The following LRRC4C variants were observed in gnomAD, a reference collection of about 807,000 sequenced individuals.
The protein encoded by LRRC4C is leucine-rich repeat-containing protein 4C.
LRRC4C carries 5 observed loss-of-function variants against 33.6 expected under a neutral mutation model. The ratio of observed to expected loss-of-function variants is 0.15; its 90% CI spans 0.08 to 0.31. The LOEUF (loss-of-function observed/expected upper bound fraction) is 0.31, where lower values mean the gene tolerates loss of function less well. Among genes scored for constraint, LRRC4C ranks in the 10% least tolerant of loss-of-function variants. The pLI is 1.00. For synonymous variants in LRRC4C, 329 were observed against 302.0 expected, an observed-to-expected ratio of 1.09 and a Z score of -0.93; for missense variants, 560 against 796.7, an observed-to-expected ratio of 0.70 and a Z score of 3.58.
intron 3 of LRRC4C, among the ~76,000 whole-genome samples, chr11:40,609,074 G>A (rs1565555714): frequency 6.6e-6 from 1 of 152,006 alleles, no homozygotes; most frequent in South Asian, 2.1e-4. Context: ...AATGGAACTA[G>A]TAGACATATA....
chr11:40,467,758 C>T (rs1379122884), intron 3 of LRRC4C, among the ~76,000 whole-genome samples: 1 of 152,118 alleles, frequency 6.6e-6, no homozygotes, highest in African/African-American at 2.4e-5. Context: ...GCAAGAATAC[C>T]ATCTCTTGGA....
chr11:40,792,110 C>T (rs931764045), intron 2 of LRRC4C, among the ~76,000 whole-genome samples: 15 of 152,050 alleles, frequency 9.9e-5, no homozygotes, highest in African/African-American at 3.6e-4. Flanking sequence ...CAAATTTTTA[C>T]TTCTCCAACA....
At chr11:41,273,294 T>A (rs1385848346) in intron 1 of LRRC4C, among the ~76,000 whole-genome samples, 1 of 152,116 alleles carries the variant, frequency 6.6e-6, no homozygotes, top group Non-Finnish European at 1.5e-5. Flanking sequence ...CCAAGAGAAT[T>A]GAAATCAGGA....
At chr11:41,221,435 T>C (rs2136387743) in intron 1 of LRRC4C, among the ~76,000 whole-genome samples, 1 of 151,930 alleles carries the variant, frequency 6.6e-6, no homozygotes, top group Admixed American at 6.6e-5. Flanking sequence ...AAAAAGAAAA[T>C]CTTATCACTG....
At chr11:41,415,273 T>C (rs1433219361) in intron 1 of LRRC4C, among the ~76,000 whole-genome samples, 1 of 152,080 alleles carries the variant, frequency 6.6e-6, no homozygotes. Context: ...TGCCAGGTAG[T>C]TATGGACGGG....
intron 3 of LRRC4C, among the ~76,000 whole-genome samples, chr11:40,577,951 C>A (rs1958271679): frequency 6.7e-6 from 1 of 149,466 alleles, no homozygotes; most frequent in Non-Finnish European, 1.5e-5. Context: ...TCTCCTGCCT[C>A]AGCCTCCCGA....
chr11:40,855,074 T>C (rs1332533981), intron 2 of LRRC4C, among the ~76,000 whole-genome samples: 2 of 152,186 alleles, frequency 1.3e-5, no homozygotes, highest in Admixed American at 1.3e-4. Flanking sequence ...TCAAAATGAT[T>C]GTCAGAATAA....
intron 3 of LRRC4C, among the ~76,000 whole-genome samples, chr11:40,516,830 C>T (rs950924451): frequency 1.3e-4 from 20 of 152,074 alleles, no homozygotes; most frequent in Non-Finnish European, 1.8e-4. Flanking sequence ...TATTCCTTAG[C>T]TTTATATGAA....
chr11:40,587,490 TG>T (rs1420643392), intron 3 of LRRC4C, among the ~76,000 whole-genome samples: 1 of 143,356 alleles, frequency 7.0e-6, no homozygotes, highest in African/African-American at 2.6e-5. Context: ...CTAATTGCCC[TG>T]GCCAGAACTT....
intron 2 of LRRC4C, among the ~76,000 whole-genome samples, chr11:40,725,478 T>C (rs61886855): frequency 0.027 from 4,072 of 150,250 alleles, 80 homozygotes; most frequent in Middle Eastern, 0.042. Flanking sequence ...AATCCACCAC[T>C]GCACTCCAGC....
intron 1 of LRRC4C, among the ~76,000 whole-genome samples, chr11:41,388,534 G>A (rs1423464390): frequency 2.6e-5 from 4 of 151,826 alleles, no homozygotes; most frequent in African/African-American, 7.2e-5. Flanking sequence ...GGAATTGATA[G>A]ACCCATTTTG....
chr11:40,809,646 A>G (rs1951402520), intron 2 of LRRC4C, among the ~76,000 whole-genome samples: 1 of 152,184 alleles, frequency 6.6e-6, no homozygotes, highest in African/African-American at 2.4e-5. Flanking sequence ...TGTTTGTTTC[A>G]CTATTGAAAC....
chr11:40,294,207 T>G (rs1944392449), intron 4 of LRRC4C: 4 of 152,162 alleles, frequency 2.6e-5, no homozygotes. Context: ...GTCAATTGCA[T>G]TAACACTTGA....
At chr11:40,373,701 A>G (rs1948550702) in intron 3 of LRRC4C, among the ~76,000 whole-genome samples, 1 of 152,092 alleles carries the variant, frequency 6.6e-6, no homozygotes, top group South Asian at 2.1e-4. Flanking sequence ...CTTGGTGATC[A>G]GTGAGTTCTC....
intron 2 of LRRC4C, among the ~76,000 whole-genome samples, chr11:40,830,727 T>G (rs901375820): frequency 2.0e-5 from 3 of 152,100 alleles, no homozygotes; most frequent in Non-Finnish European, 4.4e-5. Context: ...GGATTCATCT[T>G]CGTTTGTAGG....
At chr11:40,481,065 TAA>T (rs199804804) in intron 3 of LRRC4C, among the ~76,000 whole-genome samples, 9 of 136,584 alleles carry the variant, frequency 6.6e-5, no homozygotes, top group Admixed American at 1.5e-4. Flanking sequence ...TTTACAACAG[TAA>T]AAAAAAAAAA....
chr11:40,183,664 G>A (rs1243162200), intron 5 of LRRC4C, among the ~76,000 whole-genome samples: 1 of 152,088 alleles, frequency 6.6e-6, no homozygotes, highest in African/African-American at 2.4e-5. Flanking sequence ...AGCTTTTTTT[G>A]TTCATTGAAA....
intron 5 of LRRC4C, among the ~76,000 whole-genome samples, chr11:40,175,515 G>T (rs1860403943): frequency 6.6e-6 from 1 of 152,182 alleles, no homozygotes; most frequent in African/African-American, 2.4e-5. Context: ...TTCAAAGAAT[G>T]CTGGAGACTG....
chr11:40,864,730 A>G (rs1954268785), intron 2 of LRRC4C, among the ~76,000 whole-genome samples: 2 of 152,144 alleles, frequency 1.3e-5, no homozygotes, highest in Non-Finnish European at 2.9e-5. Flanking sequence ...CTAATAATTA[A>G]TCTGCACTGG....
Sources: gnomAD v4.1 joint callset for allele counts (sites outside exome capture counted in the v4.1 genomes callset) on GRCh38, gnomAD v4.1.1 for gene constraint, MANE v1.5 for transcripts, NCBI Gene and HGNC (gene_info 2026-07-23, HGNC 2026-07-21) for gene names.